SANBR: variants seen among roughly 807,000 people sequenced by gnomAD.
SANBR encodes the protein SANT and BTB domain regulator of CSR.
Under a neutral mutation model 101.8 loss-of-function variants are expected in SANBR, and 77 were observed. The ratio of observed to expected loss-of-function variants is 0.76; its 90% confidence interval spans 0.63 to 0.91. The LOEUF (loss-of-function observed/expected upper bound fraction) is 0.91. Ranked by LOEUF, SANBR falls within the 40% of genes least tolerant of loss-of-function variation. The pLI, the probability that SANBR is intolerant of heterozygous loss-of-function variation, is 0.00. For missense variants in SANBR, 875 were observed against 853.0 expected (o/e 1.03, Z -0.32); for synonymous variants, 279 against 274.7 (o/e 1.02, Z -0.15).
Position 61,124,186 on chromosome 2 carries a change from T to G in SANBR, c.*2024T>G. On this transcript the variant is annotated 3_prime_UTR_variant, in exon 22 of 22. Transcript: ENST00000402291. ...TACCGCAAACATTTTACTTAAACTC[T>G]TAATAGCATTTCTTTCGCCAGATAC... The G allele has an allele frequency of 7.1e-6, 7 of 980,948 alleles. No homozygotes were observed. Among genetic ancestry groups the G allele is most frequent in the Non-Finnish European group, 8.5e-6 (7 of 825,704 alleles). The allele number at this position is 980,948 out of a possible 1,614,324, so 60.8% of individuals were successfully genotyped here.
chr2:61,126,524 C>T (rs909166750), downstream of SANBR, among the ~76,000 whole-genome samples: 12 of 152,098 alleles, frequency 7.9e-5, no homozygotes, highest in Admixed American at 4.6e-4. Flanking sequence ...ACCTTCAGGC[C>T]GGACGCGGTG....
rs775984878 is a variant in SANBR at position 61,081,473 on chromosome 2, T to C, written c.692T>C (p.Ile231Thr). Residue 231 changes from isoleucine (I) to threonine (T), a missense_variant, in exon 7 of 22, where the codon ATT (isoleucine) becomes ACT (threonine). By Grantham distance (89) the Ile-to-Thr change is moderately conservative. Coordinates refer to ENST00000402291, the MANE Select transcript of SANBR (RefSeq NM_001129993.3). Reference protein sequence around the residue: ...PTLEPGNVISILISSEFLKMD... With the variant: ...PTLEPGNVISTLISSEFLKMD... ...TTAGAGCCAGGAAATGTCATTTCAA[T>C]TCTTATTTCTTCGGAGTTTTTAAAA... The C allele has an allele frequency of 1.3e-6, 2 of 1,577,764 alleles. No individual in the cohort carries two copies. The highest frequency in any genetic ancestry group is 1.7e-6 in the Non-Finnish European group (2 of 1,165,760).
chr2:61,095,455 G>A lies in SANBR; in HGVS notation c.1213-2245G>A, dbSNP rs187254209. ...AACAACCAAAAATTCTGAATTATAG[G>A]CAGCTGAAAATTCTGAATTATAAAC... On this transcript the variant is annotated intron_variant, in intron 11 of 21. Coordinates refer to ENST00000402291, the MANE Select transcript of SANBR (RefSeq NM_001129993.3). Among the ~76,000 whole-genome samples, 13 of 152,004 alleles carry A rather than the reference G, an allele frequency of 8.6e-5. No homozygotes were observed. The East Asian group carries it at 2.1e-3, about 25-fold the overall frequency.
chr2:61,105,072 G>A (rs1003355508), intron 13 of SANBR, among the ~76,000 whole-genome samples: 7 of 151,262 alleles, frequency 4.6e-5, no homozygotes, highest in African/African-American at 1.7e-4. Context: ...TTAGAGGCTG[G>A]AGGACACTTT....
chr2:61,102,574 G>A (rs929838273), intron 12 of SANBR, among the ~76,000 whole-genome samples: 2 of 149,966 alleles, frequency 1.3e-5, no homozygotes, highest in Admixed American at 1.3e-4. Context: ...CTCTTGCTCT[G>A]TTGCCCAGAC....
chr2:61,129,405 C>T (rs1347482081), intron 20 of SANBR, among the ~76,000 whole-genome samples: 1 of 151,276 alleles, frequency 6.6e-6, no homozygotes, highest in Non-Finnish European at 1.5e-5. Flanking sequence ...GATCATGACA[C>T]TGCACTCCAA....
At chr2:61,099,824 T>G (rs997655847) in intron 12 of SANBR, among the ~76,000 whole-genome samples, 4 of 151,418 alleles carry the variant, frequency 2.6e-5, no homozygotes, top group African/African-American at 9.7e-5. Context: ...GTTGAGGGAG[T>G]AATATTAAAG....
At chr2:61,135,897 A>G (rs1684825561) in intron 21 of SANBR, among the ~76,000 whole-genome samples, 1 of 152,278 alleles carries the variant, frequency 6.6e-6, no homozygotes, top group African/African-American at 2.4e-5. Flanking sequence ...CTTCAGTGCC[A>G]GAATTGCCTG....
chr2:61,103,931 A>G lies in SANBR; in HGVS notation c.1444A>G (p.Arg482Gly). Residue 482 changes from arginine to glycine, a missense_variant, in exon 13 of 22, where the codon AGA (arginine) becomes GGA (glycine). By Grantham distance (125) the Arg-to-Gly change is moderately radical. Coordinates refer to ENST00000402291, the MANE Select transcript of SANBR (RefSeq NM_001129993.3). ...AGATTTGCCGTCCTGTCCCACTGCT[A>G]GAATGTTGGACGATTTGCACAAGTA... is the stretch of plus-strand genomic sequence containing the variant. ...GGDLPSCPTA[R>G]MLDDLHKYRD... 1 of 1,614,102 alleles carries G rather than the reference A, an allele frequency of 6.2e-7. No homozygotes were observed. The highest frequency in any genetic ancestry group is 8.5e-7 in the Non-Finnish European group (1 of 1,179,920).
intron 10 of SANBR, among the ~76,000 whole-genome samples, chr2:61,091,836 CTT>C (rs1487967746): frequency 6.6e-6 from 1 of 152,042 alleles, no homozygotes; most frequent in Admixed American, 6.6e-5. Flanking sequence ...GGTTTTGAGG[CTT>C]TGCTATTTTT....
chr2:61,122,769 G>A lies in SANBR; in HGVS notation c.*607G>A. On this transcript the variant is annotated 3_prime_UTR_variant, in exon 22 of 22. Transcript: ENST00000402291. ...AGCATTATATCGTGGAAAGTACAAT[G>A]TTAATCCAACTTTTTTTTCTTTCAG... 2.0e-6 allele frequency: 2 copies of A among 985,336 alleles called. No individual in the cohort carries two copies. Among genetic ancestry groups the A allele is most frequent in the Non-Finnish European group, 2.4e-6 (2 of 829,772 alleles). 61.0% of individuals were successfully genotyped at this position (985,336 alleles called of 1,614,324 possible).
Position 61,077,155 on chromosome 2 carries a change from T to C in SANBR, c.667T>C (p.Leu223=), listed in dbSNP as rs770284087. 1 of 1,586,288 alleles carries C rather than the reference T, an allele frequency of 6.3e-7. No individual in the cohort carries two copies. The highest frequency in any genetic ancestry group is 8.6e-7 in the Non-Finnish European group (1 of 1,156,194). ...GAATAAAGATTGTGAGATGCCCACT[T>C]TAGGTAAAAAACAATCTGTTGCTTA... ...KENKDCEMPT[L]EPGNVISILI... The change falls in exon 6 of 22, where the codon TTA becomes CTA. Residue 223 remains leucine (L), a synonymous_variant. Coordinates refer to ENST00000402291, the MANE Select transcript of SANBR (RefSeq NM_001129993.3).
At chr2:61,076,789 A>G in intron 5 of SANBR, 131 bp from the exon 6 acceptor site, 1 of 646,896 alleles carries the variant, frequency 1.5e-6, no homozygotes, top group Non-Finnish European at 2.7e-6. Context: ...AAATGTCAAG[A>G]CCCTATAAAA....
At chr2:61,097,586 T>C in intron 11 of SANBR, 114 bp from the exon 12 acceptor site, 1 of 834,208 alleles carries the variant, frequency 1.2e-6, no homozygotes, top group South Asian at 1.9e-5. Context: ...ATAGATTGGC[T>C]TTTTCTGCAT....
exon 22 of SANBR, chr2:61,137,486 T>C (rs140275590): frequency 1.3e-5 from 2 of 152,366 alleles, no homozygotes; most frequent in East Asian, 3.8e-4. Flanking sequence ...CACAAAGATA[T>C]GGAAGAACAT....
At chr2:61,119,145 T>A (rs925319410) in intron 20 of SANBR, among the ~76,000 whole-genome samples, 1 of 152,190 alleles carries the variant, frequency 6.6e-6, no homozygotes, top group Non-Finnish European at 1.5e-5. Context: ...CTGAAAATGG[T>A]GACAAGAAAC....
At chr2:61,131,828 T>C (rs1238767689) in intron 20 of SANBR, among the ~76,000 whole-genome samples, 1 of 152,216 alleles carries the variant, frequency 6.6e-6, no homozygotes, top group African/African-American at 2.4e-5. Context: ...GCAGTACTGG[T>C]ATAAGGATAG....
rs1683417142 is a variant in SANBR at position 61,103,978 on chromosome 2, T to C, written c.1491T>C (p.Pro497=). ...AGTACAGAGATGTCATTGTTGTGCC[T>C]TTTTCAAAAGATACAGTTAGGTGAG... ...LHKYRDVIVV[P]FSKDTVSDVG... Residue 497 remains proline, a synonymous_variant, in exon 13 of 22, where the codon CCT becomes CCC. Coordinates refer to ENST00000402291, the MANE Select transcript of SANBR (RefSeq NM_001129993.3). 1 of 1,613,252 alleles carries C rather than the reference T, an allele frequency of 6.2e-7. No individual in the cohort carries two copies. Among genetic ancestry groups the C allele is most frequent in the Non-Finnish European group, 8.5e-7 (1 of 1,179,400 alleles).
chr2:61,085,894 A>G (rs542495619), intron 8 of SANBR, among the ~76,000 whole-genome samples: 1 of 152,202 alleles, frequency 6.6e-6, no homozygotes, highest in Admixed American at 6.6e-5. Flanking sequence ...TATCTTCAAG[A>G]TTGTAGTGTT....
Sources: allele counts gnomAD v4.1 joint callset (sites outside exome capture counted in the v4.1 genomes callset), GRCh38; gene constraint gnomAD v4.1.1; transcripts MANE v1.5; gene names NCBI Gene and HGNC (gene_info 2026-07-23, HGNC 2026-07-21).